The following SYAP1 variants were observed in gnomAD, a reference collection of about 807,000 sequenced individuals.
SYAP1 encodes synapse-associated protein 1.
A neutral mutation model predicts 29.6 loss-of-function variants in SYAP1; 3 were observed. The observed-to-expected ratio is 0.10, with a 90% CI of 0.05 to 0.26. The LOEUF (loss-of-function observed/expected upper bound fraction) is 0.26. Among genes scored for constraint, SYAP1 ranks in the 10% least tolerant of loss-of-function variants. The pLI is 1.00. For synonymous variants in SYAP1, 102 were observed against 102.7 expected (o/e 0.99, Z 0.04); for missense variants, 217 against 264.1 (o/e 0.82, Z 1.24).
chrX:16,762,606 G>A lies in SYAP1; in HGVS notation c.*2247G>A, dbSNP rs1939906471. ...GAAAATTTCTAAGTATTTATTACATGCCTAGGGGTTAGCCAACAAGATATA... is the reference window on the plus strand; with the variant it reads ...GAAAATTTCTAAGTATTTATTACATACCTAGGGGTTAGCCAACAAGATATA... On this transcript the variant is annotated 3_prime_UTR_variant, in exon 9 of 9. Coordinates refer to ENST00000380155, the MANE Select transcript of SYAP1 (RefSeq NM_032796.4). The A allele has an allele frequency of 9.0e-6, 1 of 111,607 alleles. No individual in the cohort carries two copies. Among genetic ancestry groups the A allele is most frequent in the African/African-American group, 3.3e-5 (1 of 30,691 alleles). The allele number at this position is 111,607 out of a possible 1,213,427, so 9.2% of individuals were successfully genotyped here. A position where few individuals can be genotyped will look rare whatever the true frequency, so the allele number is the denominator to read the frequency against.
chrX:16,730,077 C>T (rs977733900), intron 1 of SYAP1, among the ~76,000 whole-genome samples: 4 of 111,568 alleles, frequency 3.6e-5, no homozygotes, highest in South Asian at 3.7e-4. Context: ...TTCTTCAGGC[C>T]GGGCACAGTG....
chrX:16,722,070 A>G (rs772551119), intron 1 of SYAP1, among the ~76,000 whole-genome samples: 10 of 111,467 alleles, frequency 9.0e-5, no homozygotes, highest in Non-Finnish European at 1.5e-4. Context: ...TTCATATACA[A>G]ACTGTGAGAG....
chrX:16,745,446 A>G, intron 5 of SYAP1, among the ~76,000 whole-genome samples: 1 of 111,845 alleles, frequency 8.9e-6, no homozygotes, highest in Non-Finnish European at 1.9e-5. Flanking sequence ...GAAGTAGACT[A>G]CTGTTTGCCT....
intron 1 of SYAP1, among the ~76,000 whole-genome samples, chrX:16,734,996 CAAAAAAAAAAAAAA>C (rs1213395857): frequency 3.8e-3 from 38 of 9,920 alleles, no homozygotes; most frequent in African/African-American, 0.013. Flanking sequence ...GAGACTGTCT[CAAAAAAAAAAAAAA>C]AAAAAAAAAA....
chrX:16,756,667 A>G lies in SYAP1; in HGVS notation c.729A>G (p.Ala243=), dbSNP rs770313296. 1 of 1,210,821 alleles carries G rather than the reference A, an allele frequency of 8.3e-7. No homozygotes were observed. Among genetic ancestry groups the G allele is most frequent in the Admixed American group, 2.2e-5 (1 of 46,002 alleles). ...TCTCTTATTCTCACTTCTTAGAGGC[A>G]GTACGGCCCAAAACGCCACCCGTTG... The part of the protein sequence containing the change: ...GREQDLPLAE[A]VRPKTPPVVI... Residue 243 remains alanine, a synonymous_variant, in exon 7 of 9, where the codon GCA becomes GCG. Coordinates refer to ENST00000380155, the MANE Select transcript of SYAP1 (RefSeq NM_032796.4).
Position 16,760,502 on chromosome X carries a change from C to T in SYAP1, c.*143C>T. 1 of 521,981 alleles carries T rather than the reference C, an allele frequency of 1.9e-6. No homozygotes were observed. The highest frequency in any genetic ancestry group is 6.0e-5 in the South Asian group (1 of 16,763). 43.0% of individuals were successfully genotyped at this position (521,981 alleles called of 1,213,427 possible). A position where few individuals can be genotyped will look rare whatever the true frequency, so the allele number is the denominator to read the frequency against. ...TATTCTTTTTTCAAGTTGAAACTTG[C>T]CTCTTCTACTTTAAAAAAGTATATA... On this transcript the variant is annotated 3_prime_UTR_variant, in exon 9 of 9. Coordinates refer to ENST00000380155, the MANE Select transcript of SYAP1 (RefSeq NM_032796.4).
chrX:16,726,057 T>A (rs1926076347), intron 1 of SYAP1, among the ~76,000 whole-genome samples: 1 of 111,722 alleles, frequency 9.0e-6, no homozygotes, highest in South Asian at 3.7e-4. Context: ...AATAACAAGA[T>A]GCAGGTCAAC....
At chrX:16,750,877 C>T (rs1240595046) in intron 5 of SYAP1, among the ~76,000 whole-genome samples, 4 of 107,160 alleles carry the variant, frequency 3.7e-5, no homozygotes, top group Non-Finnish European at 5.8e-5. Context: ...AAGCGATTCT[C>T]CTGCATTAGC....
intron 8 of SYAP1, among the ~76,000 whole-genome samples, chrX:16,758,217 T>A (rs1247584123): frequency 3.6e-5 from 4 of 110,267 alleles, no homozygotes; most frequent in Non-Finnish European, 7.6e-5. Flanking sequence ...CTAATTTTTT[T>A]AATTTTTTGT....
intron 1 of SYAP1, among the ~76,000 whole-genome samples, chrX:16,722,372 A>C (rs1925980596): frequency 9.0e-6 from 1 of 110,739 alleles, no homozygotes; most frequent in Non-Finnish European, 1.9e-5. Context: ...TACTAAAAAT[A>C]CAAAAATTAG....
chrX:16,737,802 T>C (rs1481688923), intron 3 of SYAP1, among the ~76,000 whole-genome samples: 2 of 112,409 alleles, frequency 1.8e-5, no homozygotes, highest in Non-Finnish European at 3.7e-5. Context: ...GCTTCCGCAC[T>C]GGACAATGCA....
chrX:16,759,931 A>T (rs1182846006), intron 8 of SYAP1, among the ~76,000 whole-genome samples: 1 of 112,565 alleles, frequency 8.9e-6, no homozygotes, highest in East Asian at 2.8e-4. Flanking sequence ...ATTAATTATC[A>T]TTTACCCATT....
At chrX:16,748,387 C>CA (rs1926655080) in intron 5 of SYAP1, among the ~76,000 whole-genome samples, 1 of 112,806 alleles carries the variant, frequency 8.9e-6, no homozygotes, top group Admixed American at 9.4e-5. Flanking sequence ...GCCTGACACA[C>CA]AGAAGCACAA....
At chrX:16,743,200 C>T (rs1291574766) in intron 4 of SYAP1, among the ~76,000 whole-genome samples, 2 of 108,311 alleles carry the variant, frequency 1.8e-5, no homozygotes, top group Non-Finnish European at 3.8e-5. Flanking sequence ...TGCTAGCACA[C>T]ACCTGTAATC....
chrX:16,760,191 A>C (rs746899834), intron 8 of SYAP1, 41 bp from the exon 9 acceptor site: 2 of 1,143,282 alleles, frequency 1.7e-6, no homozygotes, highest in Non-Finnish European at 1.2e-6. Context: ...CAGCATTATG[A>C]ATTCAGAGAG....
At chrX:16,737,752 A>G (rs1440257904) in intron 3 of SYAP1, among the ~76,000 whole-genome samples, 1 of 111,988 alleles carries the variant, frequency 8.9e-6, no homozygotes, top group African/African-American at 3.2e-5. Context: ...TTTTTGCATC[A>G]GCCACGTTTC....
rs1326517033 is a variant in SYAP1 at position 16,757,744 on chromosome X, T to G, written c.931+435T>G. Among the ~76,000 whole-genome samples the G allele has an allele frequency of 1.0e-4, 10 of 95,884 alleles. No homozygotes were observed. In the East Asian group the frequency reaches 3.2e-3, roughly 31 times the overall value. 83.3% of individuals were successfully genotyped at this position (95,884 alleles called of 115,157 possible). A position where few individuals can be genotyped will look rare whatever the true frequency, so the allele number is the denominator to read the frequency against. ...CCTCAAAAATAAATAAATAAATAAA[T>G]AATAAGTTTTTGGCCCTGGTGCAGT... On this transcript the variant is annotated intron_variant, in intron 8 of 8. Coordinates refer to ENST00000380155, the MANE Select transcript of SYAP1 (RefSeq NM_032796.4).
intron 5 of SYAP1, among the ~76,000 whole-genome samples, chrX:16,748,187 A>G (rs1926650411): frequency 8.9e-6 from 1 of 112,624 alleles, no homozygotes; most frequent in South Asian, 3.6e-4. Flanking sequence ...ATTCCCAAAG[A>G]AAAGCATGTG....
At chrX:16,729,003 T>G (rs1451678318) in intron 1 of SYAP1, among the ~76,000 whole-genome samples, 2 of 104,126 alleles carry the variant, frequency 1.9e-5, no homozygotes, top group Non-Finnish European at 3.9e-5. Flanking sequence ...CACACCACTG[T>G]GCTTTAGCCT....
Sources: gnomAD v4.1 joint callset for allele counts (sites outside exome capture counted in the v4.1 genomes callset) on GRCh38, gnomAD v4.1.1 for gene constraint, MANE v1.5 for transcripts, NCBI Gene and HGNC (gene_info 2026-07-23, HGNC 2026-07-21) for gene names.